Variants in DLG3 observed in about 807,000 individuals in gnomAD.
The protein encoded by DLG3 is discs large MAGUK scaffold protein 3.
In DLG3, 1 loss-of-function variant was observed where a neutral mutation model predicts 64.1. The observed-to-expected ratio is 0.02, with a 90% CI of 0.01 to 0.07. The LOEUF (loss-of-function observed/expected upper bound fraction) is 0.07. Among genes scored for constraint, DLG3 ranks in the 10% least tolerant of loss-of-function variants. DLG3 has a pLI of 1.00. For synonymous variants in DLG3, 245 were observed against 259.8 expected (o/e 0.94, Z 0.55); for missense variants, 429 against 669.5 (o/e 0.64, Z 3.96).
intron 9 of DLG3, among the ~76,000 whole-genome samples, chrX:70,468,871 G>A (rs983301912): frequency 4.5e-5 from 5 of 111,500 alleles, no homozygotes; most frequent in Non-Finnish European, 7.5e-5. Context: ...CTTTGATTCC[G>A]TATGGACCTC....
chrX:70,465,809 A>C (rs191998497), intron 9 of DLG3, among the ~76,000 whole-genome samples: 1 of 112,084 alleles, frequency 8.9e-6, no homozygotes, highest in Admixed American at 9.5e-5. Flanking sequence ...TATTTTTTGA[A>C]AAAAATGGTT....
At chrX:70,493,206 T>A (rs375016237) in intron 12 of DLG3, among the ~76,000 whole-genome samples, 93 of 112,205 alleles carry the variant, frequency 8.3e-4, no homozygotes, top group East Asian at 5.0e-3. Context: ...AAACATAATT[T>A]TCCTCTTACA....
Position 70,504,657 on chromosome X carries a change from A to G in DLG3, c.*2388A>G, listed in dbSNP as rs2087623003. ...AAATGCTGACATTTTCCCAAGAGGTACACAAGGTGGGAGAGGCCTGCTGTA... is the reference window on the plus strand; with the variant it reads ...AAATGCTGACATTTTCCCAAGAGGTGCACAAGGTGGGAGAGGCCTGCTGTA... On this transcript the variant is annotated 3_prime_UTR_variant, in exon 19 of 19. Transcript: ENST00000374360. 8.9e-6 allele frequency: 1 copy of G among 112,350 alleles called. No homozygotes were observed. Among genetic ancestry groups the G allele is most frequent in the South Asian group, 3.7e-4 (1 of 2,697 alleles). The allele number at this position is 112,350 out of a possible 1,213,427, so 9.3% of individuals were successfully genotyped here.
chrX:70,503,297 T>C lies in DLG3; in HGVS notation c.*1028T>C, dbSNP rs1426219111. On this transcript the variant is annotated 3_prime_UTR_variant, in exon 19 of 19. Coordinates refer to ENST00000374360, the MANE Select transcript of DLG3 (RefSeq NM_021120.4). Reference sequence around the variant, plus strand: ...GCTACTGTGTCAGCCTTTTCATTATTGCAAATTTTACTTTTACTATTTAAG... The same window carrying C: ...GCTACTGTGTCAGCCTTTTCATTATCGCAAATTTTACTTTTACTATTTAAG... 1 of 113,139 alleles carries C rather than the reference T, an allele frequency of 8.8e-6. No homozygotes were observed. Among genetic ancestry groups the C allele is most frequent in the Non-Finnish European group, 1.9e-5 (1 of 53,379 alleles). 9.3% of individuals were successfully genotyped at this position (113,139 alleles called of 1,213,427 possible).
chrX:70,462,243 C>CTTTTTT (rs141689653), intron 9 of DLG3, among the ~76,000 whole-genome samples: 43 of 46,982 alleles, frequency 9.2e-4, no homozygotes, highest in African/African-American at 2.0e-3. Flanking sequence ...TTCTTTCTTT[C>CTTTTTT]TTTTTTTTTT....
chrX:70,462,243 C>CTTTTTTTTTTTTTT (rs141689653), intron 9 of DLG3, among the ~76,000 whole-genome samples: 82 of 46,966 alleles, frequency 1.7e-3, no homozygotes, highest in Non-Finnish European at 2.0e-3. Flanking sequence ...TTCTTTCTTT[C>CTTTTTTTTTTTTTT]TTTTTTTTTT....
At chrX:70,473,228 C>T (rs1472084501) in intron 9 of DLG3, among the ~76,000 whole-genome samples, 1 of 108,904 alleles carries the variant, frequency 9.2e-6, no homozygotes, top group Non-Finnish European at 1.9e-5. Flanking sequence ...CTGACCCCTG[C>T]TTACCTCTTA....
intron 1 of DLG3, among the ~76,000 whole-genome samples, chrX:70,446,827 G>A (rs1035417069): frequency 8.0e-5 from 9 of 112,400 alleles, no homozygotes; most frequent in Non-Finnish European, 1.5e-4. Context: ...TTGCTGTCGA[G>A]GGCAGGTGAT....
rs1244898495 is a variant in DLG3 at position 70,492,233 on chromosome X, G to A, written c.1647G>A (p.Val549=). 1 of 1,211,546 alleles carries A rather than the reference G, an allele frequency of 8.3e-7. No individual in the cohort carries two copies. Among genetic ancestry groups the A allele is most frequent in the South Asian group, 1.8e-5 (1 of 56,892 alleles). ...SDDEWWQARL[V]TPHGESEQIG... is the part of the protein sequence containing the mutation. The stretch of plus-strand genomic sequence containing the variant: ...ATGAGTGGTGGCAGGCAAGGCTGGT[G>A]ACCCCACACGGAGAAAGTGAGCAGA... The change falls in exon 11 of 19, where the codon GTG becomes GTA. Residue 549 remains valine (V), a synonymous_variant. Transcript: ENST00000374360.
chrX:70,476,274 A>G (rs2087053563), intron 9 of DLG3, among the ~76,000 whole-genome samples: 1 of 111,793 alleles, frequency 8.9e-6, no homozygotes, highest in South Asian at 3.8e-4. Flanking sequence ...AGTAGACTTG[A>G]GATTTTAGTG....
chrX:70,502,065 A>AGG lies in DLG3; in HGVS notation c.2348-93_2348-92dup. On this transcript the variant is annotated intron_variant, in intron 18 of 18. Coordinates refer to ENST00000374360, the MANE Select transcript of DLG3 (RefSeq NM_021120.4). ...CTTCATGTGAGGGGTGAGGGGGTGG[A>AGG]GGGGGGACTTGTAGGATTGTTGGGA... 4.7e-5 allele frequency: 30 copies of AGG among 644,133 alleles called. No homozygotes were observed. The South Asian group carries it at 6.9e-4, about 15-fold the overall frequency. The allele number at this position is 644,133 out of a possible 1,213,427, so 53.1% of individuals were successfully genotyped here. A position where few individuals can be genotyped will look rare whatever the true frequency, so the allele number is the denominator to read the frequency against.
chrX:70,455,301 T>C, intron 9 of DLG3: 2 of 753,431 alleles, frequency 2.7e-6, no homozygotes, highest in South Asian at 1.4e-4. Context: ...CCCCTCGCAG[T>C]CCCCCCTAAC....
Position 70,504,068 on chromosome X carries a change from A to C in DLG3, c.*1799A>C, listed in dbSNP as rs1310116124. On this transcript the variant is annotated 3_prime_UTR_variant, in exon 19 of 19. Transcript: ENST00000374360. ...TTGTCCAACCAGCAGAATGAGGCTAACTGTATAAAGCATGGGACCCAGGAT... is the reference window on the plus strand; with the variant it reads ...TTGTCCAACCAGCAGAATGAGGCTACCTGTATAAAGCATGGGACCCAGGAT... 8.9e-6 allele frequency: 1 copy of C among 112,081 alleles called. No homozygotes were observed. Among genetic ancestry groups the C allele is most frequent in the Non-Finnish European group, 1.9e-5 (1 of 53,187 alleles). 9.2% of individuals were successfully genotyped at this position (112,081 alleles called of 1,213,427 possible).
chrX:70,493,578 C>A, intron 12 of DLG3: 1 of 687,726 alleles, frequency 1.5e-6, no homozygotes, highest in Non-Finnish European at 2.3e-6. Context: ...CACGTGTGGC[C>A]TCGTGCCTGC....
intron 9 of DLG3, among the ~76,000 whole-genome samples, chrX:70,458,317 C>A (rs1386345689): frequency 8.9e-6 from 1 of 112,222 alleles, no homozygotes; most frequent in Non-Finnish European, 1.9e-5. Flanking sequence ...TTTCCTTACC[C>A]CTCTTCTTTT....
intron 7 of DLG3, chrX:70,453,232 T>A (rs1490857632): frequency 5.8e-6 from 1 of 173,061 alleles, no homozygotes; most frequent in Non-Finnish European, 1.1e-5. Flanking sequence ...AACCCCAGGG[T>A]GACTCCACTG....
At chrX:70,469,604 G>T (rs1176459508) in intron 9 of DLG3, among the ~76,000 whole-genome samples, 1 of 109,099 alleles carries the variant, frequency 9.2e-6, no homozygotes, top group African/African-American at 3.3e-5. Flanking sequence ...CACTATGCCT[G>T]GCTAATTTTT....
At position 70,482,660 on chromosome X, in the gene DLG3, GTGTTTTTTTTTT is replaced by G. The variant is rs1184343146; in HGVS notation, c.1520+3398_1520+3409del. Among the ~76,000 whole-genome samples, 5 of 69,245 alleles carry G rather than the reference GTGTTTTTTTTTT, an allele frequency of 7.2e-5. No homozygotes were observed. The East Asian group carries it at 1.8e-3, about 25-fold the overall frequency. 60.1% of individuals were successfully genotyped at this position (69,245 alleles called of 115,157 possible). On this transcript the variant is annotated intron_variant, in intron 10 of 18. Coordinates refer to ENST00000374360, the MANE Select transcript of DLG3 (RefSeq NM_021120.4). Reference sequence around the variant, plus strand: ...TCAGGTTTGGGAAAATACATGTGTGGTGTTTTTTTTTTTTTTTTTTTTTTTGACGGAGTCTCG... The same window carrying G: ...TCAGGTTTGGGAAAATACATGTGTGGTTTTTTTTTTTTTGACGGAGTCTCG...
chrX:70,502,501 C>T lies in DLG3; in HGVS notation c.*232C>T. On this transcript the variant is annotated 3_prime_UTR_variant, in exon 19 of 19. Transcript: ENST00000374360. ...CCATCTCATTCATCATGTGACTGTGCCCATTCCTGCATGGACCTTTCCCAA... is the reference window on the plus strand; with the variant it reads ...CCATCTCATTCATCATGTGACTGTGTCCATTCCTGCATGGACCTTTCCCAA... 2.9e-6 allele frequency: 1 copy of T among 346,902 alleles called. No individual in the cohort carries two copies. The highest frequency in any genetic ancestry group is 5.1e-6 in the Non-Finnish European group (1 of 196,617). 28.6% of individuals were successfully genotyped at this position (346,902 alleles called of 1,213,427 possible). A position where few individuals can be genotyped will look rare whatever the true frequency, so the allele number is the denominator to read the frequency against.
Sources: gnomAD v4.1 joint callset for allele counts (sites outside exome capture counted in the v4.1 genomes callset) on GRCh38, gnomAD v4.1.1 for gene constraint, MANE v1.5 for transcripts, NCBI Gene and HGNC (gene_info 2026-07-23, HGNC 2026-07-21) for gene names.